Variants in CENPM observed in about 807,000 individuals in gnomAD.
CENPM encodes interphase centromere complex protein 39.
In CENPM, 14 loss-of-function variants were observed where a neutral mutation model predicts 19.6. The ratio of observed to expected loss-of-function variants is 0.71; its 90% CI spans 0.47 to 1.11. CENPM has a LOEUF of 1.11. Among genes scored for constraint, CENPM ranks in the 50% most tolerant of loss-of-function variants. CENPM has a pLI of 0.00. For missense variants in CENPM, 239 were observed against 228.4 expected, an observed-to-expected ratio of 1.05 and a Z score of -0.30; for synonymous variants, 114 against 101.5, an observed-to-expected ratio of 1.12 and a Z score of -0.74.
At chr22:41,943,509 A>G in intron 5 of CENPM, 101 bp downstream of exon 5, 2 of 1,007,774 alleles carry the variant, frequency 2.0e-6, no homozygotes, top group Non-Finnish European at 3.0e-6. Flanking sequence ...TCGCTCGGAT[A>G]CTAAGTCCTT....
intron 1 of CENPM, 186 bp downstream of exon 1, chr22:41,946,834 G>A: frequency 3.2e-6 from 2 of 625,370 alleles, no homozygotes; most frequent in South Asian, 1.9e-5. Context: ...CCTATTGGTG[G>A]GTGCGTCCCT....
downstream of CENPM, among the ~76,000 whole-genome samples, chr22:41,938,149 T>TTC (rs2077692303): frequency 1.3e-5 from 2 of 149,836 alleles, no homozygotes; most frequent in South Asian, 4.2e-4. Context: ...GCATTTTTTT[T>TTC]TTTTTTTTTT....
intron 1 of CENPM, 33 bp downstream of exon 1, chr22:41,946,987 A>G (rs1340667911): frequency 1.6e-5 from 26 of 1,610,172 alleles, no homozygotes; most frequent in Non-Finnish European, 2.1e-5. Context: ...AGGAGGAAAA[A>G]CCGGCGGGGG....
intron 5 of CENPM, among the ~76,000 whole-genome samples, chr22:41,943,088 C>G (rs1000428588): frequency 3.3e-5 from 5 of 152,102 alleles, no homozygotes; most frequent in Non-Finnish European, 7.4e-5. Context: ...ACAAACATCC[C>G]TATTGCCTGC....
intron 5 of CENPM, among the ~76,000 whole-genome samples, chr22:41,939,561 G>A (rs1161853685): frequency 1.3e-5 from 2 of 152,100 alleles, no homozygotes; most frequent in East Asian, 3.9e-4. Context: ...GGCAGCTCGG[G>A]CCCCAGATGC....
the CENPM span, among the ~76,000 whole-genome samples, chr22:41,929,516 C>G: frequency 6.6e-6 from 1 of 152,204 alleles, no homozygotes. Context: ...GCACTGGCTG[C>G]TCTGACCCCC....
chr22:41,930,960 C>G, the CENPM span, among the ~76,000 whole-genome samples: 5 of 151,856 alleles, frequency 3.3e-5, no homozygotes, highest in Non-Finnish European at 7.4e-5. Flanking sequence ...CCTCAGCCAC[C>G]CCAGTAGCTC....
the CENPM span, among the ~76,000 whole-genome samples, chr22:41,933,339 C>T: frequency 8.6e-5 from 12 of 138,980 alleles, no homozygotes; most frequent in Admixed American, 8.0e-4. Context: ...TTCCCGTGTG[C>T]GGACAGCGGC....
downstream of CENPM, among the ~76,000 whole-genome samples, chr22:41,934,725 A>G (rs2077676833): frequency 6.6e-6 from 1 of 152,228 alleles, no homozygotes; most frequent in African/African-American, 2.4e-5. Flanking sequence ...GCTAGGAAGA[A>G]AGGCATCGGT....
chr22:41,934,665 T>G (rs1298620907), downstream of CENPM, among the ~76,000 whole-genome samples: 1 of 152,210 alleles, frequency 6.6e-6, no homozygotes, highest in Admixed American at 6.5e-5. Flanking sequence ...AGACCCCATC[T>G]CTAAATAAAT....
chr22:41,939,878 A>AAAAGAAAGAAAG (rs1268180534), intron 5 of CENPM, among the ~76,000 whole-genome samples: 1 of 72,986 alleles, frequency 1.4e-5, no homozygotes, highest in East Asian at 2.7e-4. Context: ...GAAAGAAAGA[A>AAAAGAAAGAAAG]AAAGAAAGAA....
chr22:41,929,718 C>T, the CENPM span, among the ~76,000 whole-genome samples: 4 of 142,068 alleles, frequency 2.8e-5, no homozygotes, highest in Admixed American at 7.7e-5. Context: ...GGCCAGGTGC[C>T]GGGACAAAAG....
At chr22:41,946,645 G>A (rs2077807572) in intron 1 of CENPM, 149 bp from the exon 2 acceptor site, 2 of 671,216 alleles carry the variant, frequency 3.0e-6, no homozygotes, top group Non-Finnish European at 5.1e-6. Context: ...CCGCGAAGCG[G>A]CACGGGCTGG....
chr22:41,939,313 G>T, intron 5 of CENPM, 117 bp from the exon 6 acceptor site: 1 of 1,262,634 alleles, frequency 7.9e-7, no homozygotes, highest in South Asian at 1.5e-5. Context: ...GGTAGCTCAG[G>T]TCACCACTGC....
intron 3 of CENPM, among the ~76,000 whole-genome samples, chr22:41,945,572 T>A (rs576126719): frequency 6.7e-6 from 1 of 150,286 alleles, no homozygotes; most frequent in Admixed American, 6.6e-5. Flanking sequence ...TGCCTCAGCC[T>A]CCCGAGTAGC....
At position 41,945,956 on chromosome 22, in the gene CENPM, TTCGGGGCCGATTCACACTGGA is replaced by T; in HGVS notation, c.166_186del (p.Ser56_Arg62del). ...TTAACCACAAACACGATCAGGTCAA[TTCGGGGCCGATTCACACTGGA>T]GGGCAAAGGGAGGGACTTTGCCAAG... On this transcript the variant is annotated inframe_deletion, in exon 3 of 6. Coordinates refer to ENST00000215980, the MANE Select transcript of CENPM (RefSeq NM_024053.5). The T allele has an allele frequency of 6.2e-7, 1 of 1,613,964 alleles. No individual in the cohort carries two copies. Among genetic ancestry groups the T allele is most frequent in the Non-Finnish European group, 8.5e-7 (1 of 1,179,966 alleles).
downstream of CENPM, among the ~76,000 whole-genome samples, chr22:41,937,303 T>C (rs889346234): frequency 1.3e-5 from 2 of 152,346 alleles, no homozygotes; most frequent in Admixed American, 6.5e-5. Flanking sequence ...CGCTGTGTGA[T>C]TTCTTTTTTG....
At chr22:41,942,254 G>A (rs1221745961) in intron 5 of CENPM, among the ~76,000 whole-genome samples, 1 of 152,184 alleles carries the variant, frequency 6.6e-6, no homozygotes, top group Non-Finnish European at 1.5e-5. Flanking sequence ...CCCATCGCGG[G>A]GAGCACATCA....
At chr22:41,934,023 G>A (rs191901226), downstream of CENPM, among the ~76,000 whole-genome samples, 4 of 152,356 alleles carry the variant, frequency 2.6e-5, no homozygotes, top group Non-Finnish European at 5.9e-5. Flanking sequence ...GTGGGGCTTG[G>A]AGAGGGAAGT....
Sources: gnomAD v4.1 joint callset for allele counts (sites outside exome capture counted in the v4.1 genomes callset) on GRCh38, gnomAD v4.1.1 for gene constraint, MANE v1.5 for transcripts, NCBI Gene and HGNC (gene_info 2026-07-23, HGNC 2026-07-21) for gene names.